The following ASTN1 variants were observed in gnomAD, a reference collection of about 807,000 sequenced individuals.
The protein encoded by ASTN1 is astrotactin-1.
ASTN1 carries 41 observed loss-of-function variants against 140.7 expected under a neutral mutation model. That is an observed-to-expected ratio of 0.29 (90% confidence interval 0.23 to 0.38). The LOEUF (loss-of-function observed/expected upper bound fraction) is 0.38. Ranked by LOEUF, ASTN1 falls within the 10% of genes least tolerant of loss-of-function variation. The pLI is 1.00. For synonymous variants in ASTN1, 640 were observed against 652.2 expected (o/e 0.98, Z 0.29); for missense variants, 1,479 against 1,678.8 (o/e 0.88, Z 2.08).
intron 1 of ASTN1, among the ~76,000 whole-genome samples, chr1:177,111,267 G>T (rs1381418763): frequency 6.6e-6 from 1 of 152,106 alleles, no homozygotes; most frequent in African/African-American, 2.4e-5. Context: ...TTAAGTAATG[G>T]AGCTAATTCT....
intron 7 of ASTN1, among the ~76,000 whole-genome samples, chr1:177,017,971 T>C (rs1030279187): frequency 3.9e-5 from 6 of 152,158 alleles, no homozygotes; most frequent in Non-Finnish European, 8.8e-5. Context: ...AAGTTCTCCA[T>C]GAGGAAAATG....
intron 1 of ASTN1, among the ~76,000 whole-genome samples, chr1:177,102,391 T>C (rs1243816864): frequency 6.6e-6 from 1 of 152,038 alleles, no homozygotes; most frequent in African/African-American, 2.4e-5. Flanking sequence ...AAAGAAGAAT[T>C]CAAATTCAGG....
intron 21 of ASTN1, among the ~76,000 whole-genome samples, chr1:176,876,280 T>A (rs756002703): frequency 1.7e-4 from 26 of 152,178 alleles, no homozygotes; most frequent in Non-Finnish European, 3.2e-4. Flanking sequence ...TCGTGTATGC[T>A]AGGGGGCTTC....
chr1:177,090,029 A>T (rs1004632484), intron 1 of ASTN1, among the ~76,000 whole-genome samples: 1 of 151,926 alleles, frequency 6.6e-6, no homozygotes, highest in African/African-American at 2.4e-5. Context: ...ACACACACAC[A>T]CACCCCCCTC....
At chr1:177,085,799 G>A (rs1019618712) in intron 1 of ASTN1, among the ~76,000 whole-genome samples, 11 of 152,124 alleles carry the variant, frequency 7.2e-5, no homozygotes, top group South Asian at 2.1e-4. Context: ...CTTCATGAGC[G>A]TGGGCATTGT....
In ASTN1 at chr1:177,063,094, G is replaced by C. The variant is rs113707490; in HGVS notation, c.284-1829C>G. Among the ~76,000 whole-genome samples the C allele has an allele frequency of 4.3e-4, 66 of 152,286 alleles. 1 individual carries two copies. Among genetic ancestry groups the C allele is most frequent in the African/African-American group, 1.5e-3 (64 of 41,568 alleles). On this transcript the variant is annotated intron_variant, in intron 1 of 22. Transcript: ENST00000361833. Reference sequence around the variant, plus strand: ...AGTAGGGGAAGTATGTTCAGGCTTTGATAGGGGAATAAGGATGAGGAAAAG... The same window carrying C: ...AGTAGGGGAAGTATGTTCAGGCTTTCATAGGGGAATAAGGATGAGGAAAAG...
chr1:177,132,455 T>C (rs1571830404), intron 1 of ASTN1, among the ~76,000 whole-genome samples: 1 of 152,202 alleles, frequency 6.6e-6, no homozygotes, highest in East Asian at 1.9e-4. Context: ...TGCAGCTGAA[T>C]TTTTGCATGC....
At chr1:176,901,037 C>T (rs1669744382) in intron 16 of ASTN1, among the ~76,000 whole-genome samples, 3 of 152,102 alleles carry the variant, frequency 2.0e-5, no homozygotes, top group Non-Finnish European at 4.4e-5. Context: ...AAAATGACTA[C>T]ACTATATATT....
At chr1:177,052,166 G>A (rs537235742) in intron 2 of ASTN1, among the ~76,000 whole-genome samples, 1 of 152,116 alleles carries the variant, frequency 6.6e-6, no homozygotes, top group Non-Finnish European at 1.5e-5. Flanking sequence ...ATCCCTAATT[G>A]CCTCGGTCTT....
At chr1:176,912,930 C>T (rs777655169) in intron 16 of ASTN1, among the ~76,000 whole-genome samples, 1 of 152,068 alleles carries the variant, frequency 6.6e-6, no homozygotes, top group Non-Finnish European at 1.5e-5. Flanking sequence ...ATAATATTCC[C>T]CCATATTTGA....
At chr1:176,993,535 C>A (rs1483978279) in intron 8 of ASTN1, among the ~76,000 whole-genome samples, 1 of 152,106 alleles carries the variant, frequency 6.6e-6, no homozygotes, top group Non-Finnish European at 1.5e-5. Flanking sequence ...AATCTAGTAT[C>A]TCTCCCAAGA....
intron 1 of ASTN1, among the ~76,000 whole-genome samples, chr1:177,076,005 C>T (rs1571747011): frequency 6.6e-6 from 1 of 151,962 alleles, no homozygotes; most frequent in Non-Finnish European, 1.5e-5. Context: ...ACTGGTAGAA[C>T]ATGGTGGCTC....
At chr1:177,037,160 T>G (rs1320330149) in intron 2 of ASTN1, among the ~76,000 whole-genome samples, 5 of 152,162 alleles carry the variant, frequency 3.3e-5, no homozygotes, top group South Asian at 4.1e-4. Flanking sequence ...GCAGAGAATT[T>G]TAAGCAGTTT....
chr1:176,944,888 G>T (rs1015690437), intron 13 of ASTN1, among the ~76,000 whole-genome samples: 2 of 152,112 alleles, frequency 1.3e-5, no homozygotes, highest in East Asian at 3.9e-4. Context: ...AGGCTAAAAG[G>T]GGAAATGTTA....
intron 21 of ASTN1, among the ~76,000 whole-genome samples, chr1:176,876,043 G>C (rs1225312969): frequency 6.6e-6 from 1 of 152,214 alleles, no homozygotes; most frequent in Non-Finnish European, 1.5e-5. Flanking sequence ...ATTTATCAAA[G>C]AACTGGCCCA....
chr1:177,153,676 T>C (rs1683133834), intron 1 of ASTN1, among the ~76,000 whole-genome samples: 1 of 152,074 alleles, frequency 6.6e-6, no homozygotes, highest in Non-Finnish European at 1.5e-5. Context: ...AAAGAAATAA[T>C]TAATATCTTC....
intron 17 of ASTN1, among the ~76,000 whole-genome samples, chr1:176,889,291 T>A (rs1218993242): frequency 6.6e-6 from 1 of 152,186 alleles, no homozygotes; most frequent in Non-Finnish European, 1.5e-5. Flanking sequence ...GCAGGGAGCA[T>A]GGCTGGTCCA....
chr1:176,882,061 C>A (rs1381333262), intron 20 of ASTN1, among the ~76,000 whole-genome samples: 2 of 152,216 alleles, frequency 1.3e-5, no homozygotes, highest in Non-Finnish European at 2.9e-5. Context: ...CTCTCCTTTT[C>A]TGGCATCTTT....
At chr1:176,964,960 G>A (rs1302215438) in intron 9 of ASTN1, among the ~76,000 whole-genome samples, 1 of 152,082 alleles carries the variant, frequency 6.6e-6, no homozygotes, top group Non-Finnish European at 1.5e-5. Flanking sequence ...AGGAAGCCAG[G>A]GCCCAAACAG....
Sources: gnomAD v4.1 joint callset for allele counts (sites outside exome capture counted in the v4.1 genomes callset) on GRCh38, gnomAD v4.1.1 for gene constraint, MANE v1.5 for transcripts, NCBI Gene and HGNC (gene_info 2026-07-23, HGNC 2026-07-21) for gene names.